Variants in PPP1R9A observed in about 807,000 individuals in gnomAD.
PPP1R9A encodes protein phosphatase 1 regulatory subunit 9A.
In PPP1R9A, 59 loss-of-function variants were observed where a neutral mutation model predicts 141.9. That is an observed-to-expected ratio of 0.42 (90% CI 0.34 to 0.52). The LOEUF is 0.52. Ranked by LOEUF, PPP1R9A falls within the 20% of genes least tolerant of loss-of-function variation. The pLI is 0.10. For synonymous variants in PPP1R9A, 500 were observed against 569.7 expected (o/e 0.88, Z 1.74); for missense variants, 1,444 against 1,611.9 (o/e 0.90, Z 1.78).
At chr7:95,068,928 C>T (rs113936892) in intron 2 of PPP1R9A, among the ~76,000 whole-genome samples, 25 of 152,236 alleles carry the variant, frequency 1.6e-4, no homozygotes, top group African/African-American at 4.8e-4. Context: ...CATGCAGAGC[C>T]GGCTGTGCAG....
intron 5 of PPP1R9A, among the ~76,000 whole-genome samples, chr7:95,190,839 A>G (rs535052361): frequency 6.6e-6 from 1 of 152,308 alleles, no homozygotes; most frequent in East Asian, 1.9e-4. Flanking sequence ...TGTCTGTCCA[A>G]GTGGGAGCTG....
chr7:95,225,044 T>A (rs563567221), intron 7 of PPP1R9A, among the ~76,000 whole-genome samples: 1 of 152,222 alleles, frequency 6.6e-6, no homozygotes, highest in East Asian at 1.9e-4. Context: ...CAGGAGAGGA[T>A]CTACTTTCTA....
chr7:95,174,100 C>T (rs1585077180), intron 5 of PPP1R9A, among the ~76,000 whole-genome samples: 1 of 152,150 alleles, frequency 6.6e-6, no homozygotes, highest in Non-Finnish European at 1.5e-5. Context: ...TAACTAAAAA[C>T]TGGAAACAAC....
rs71961632 is a variant in PPP1R9A at position 95,070,593 on chromosome 7, G to GTATATATATATATATATA, written c.1396-40665_1396-40648dup. Among the ~76,000 whole-genome samples, 585 of 111,868 alleles carry GTATATATATATATATATA rather than the reference G, an allele frequency of 5.2e-3. 23 individuals are homozygous for GTATATATATATATATATA. The highest frequency in any genetic ancestry group is 7.6e-3 in the African/African-American group (211 of 27,908). 73.4% of individuals were successfully genotyped at this position (111,868 alleles called of 152,430 possible). On this transcript the variant is annotated intron_variant, in intron 2 of 19. Coordinates refer to ENST00000433360, the MANE Select transcript of PPP1R9A (RefSeq NM_001166160.2). ...ATTTCAATTATTTTTTAAATCTCTG[G>GTATATATATATATATATA]TATATATATATATATATACACACAC...
chr7:95,111,619 T>G (rs927803567), intron 3 of PPP1R9A, among the ~76,000 whole-genome samples: 1 of 152,098 alleles, frequency 6.6e-6, no homozygotes, highest in African/African-American at 2.4e-5. Context: ...GCGATGGTGG[T>G]TAGGATCAGG....
At chr7:95,236,990 A>C (rs895617536) in intron 8 of PPP1R9A, among the ~76,000 whole-genome samples, 3 of 151,518 alleles carry the variant, frequency 2.0e-5, no homozygotes, top group Admixed American at 6.6e-5. Flanking sequence ...ATGGGTTGCA[A>C]CTTTATTGCA....
chr7:95,068,494 A>AC (rs1813296560), intron 2 of PPP1R9A, among the ~76,000 whole-genome samples: 1 of 151,262 alleles, frequency 6.6e-6, no homozygotes. Flanking sequence ...AAAAAAAAAA[A>AC]AGACAAACAA....
intron 2 of PPP1R9A, among the ~76,000 whole-genome samples, chr7:94,998,351 C>A (rs559538412): frequency 6.6e-6 from 1 of 152,304 alleles, no homozygotes; most frequent in South Asian, 2.1e-4. Context: ...TTACCCCTCT[C>A]ATTTTACAGG....
intron 14 of PPP1R9A, 41 bp from the exon 15 acceptor site, chr7:95,273,858 A>G: frequency 7.0e-7 from 1 of 1,428,214 alleles, no homozygotes. Context: ...GACTTTAAAA[A>G]TAATAATAAT....
chr7:95,182,962 A>C (rs1457374891), intron 5 of PPP1R9A, among the ~76,000 whole-genome samples: 1 of 152,156 alleles, frequency 6.6e-6, no homozygotes, highest in Non-Finnish European at 1.5e-5. Context: ...CTAAGACATC[A>C]AGGCTAACTA....
rs755935192 is a variant in PPP1R9A, at chr7:95,085,365, G to A, written c.1396-25894G>A. ...TTCTCCCATCTCGGCCTCTCAGAGC[G>A]CTAGGATTATAGGCATGAGCCACTG... On this transcript the variant is annotated intron_variant, in intron 2 of 19. Coordinates refer to ENST00000433360, the MANE Select transcript of PPP1R9A (RefSeq NM_001166160.2). Among the ~76,000 whole-genome samples the A allele has an allele frequency of 7.8e-4, 118 of 150,858 alleles. 1 individual carries two copies. The highest frequency in any genetic ancestry group is 1.5e-3 in the Admixed American group (22 of 15,128).
At chr7:95,055,060 A>G (rs1811332429) in intron 2 of PPP1R9A, among the ~76,000 whole-genome samples, 2 of 152,212 alleles carry the variant, frequency 1.3e-5, no homozygotes, top group Non-Finnish European at 2.9e-5. Context: ...TATGTATTGG[A>G]TTAAGCATTC....
intron 2 of PPP1R9A, among the ~76,000 whole-genome samples, chr7:94,975,382 T>G (rs1182707059): frequency 1.6e-5 from 2 of 127,504 alleles, no homozygotes; most frequent in East Asian, 4.5e-4. Flanking sequence ...TTTTTTTTTT[T>G]TAAGGATTAA....
At chr7:95,281,501 G>A (rs1804227658) in intron 16 of PPP1R9A, among the ~76,000 whole-genome samples, 1 of 152,094 alleles carries the variant, frequency 6.6e-6, no homozygotes, top group African/African-American at 2.4e-5. Flanking sequence ...CCTCAGTGCT[G>A]GATGCACAGG....
At chr7:95,147,937 G>T (rs111643931) in intron 4 of PPP1R9A, among the ~76,000 whole-genome samples, 18,575 of 152,036 alleles carry the variant, frequency 0.12, 1,268 homozygotes, top group East Asian at 0.19. Context: ...TGTTCATCAG[G>T]GATATTGGCC....
chr7:95,246,535 T>A (rs1183273243), intron 8 of PPP1R9A, among the ~76,000 whole-genome samples: 2 of 152,144 alleles, frequency 1.3e-5, no homozygotes, highest in African/African-American at 4.8e-5. Context: ...CAAAAATAAT[T>A]CATGTGTTTT....
At chr7:95,042,228 G>A (rs2151915788) in intron 2 of PPP1R9A, among the ~76,000 whole-genome samples, 1 of 152,280 alleles carries the variant, frequency 6.6e-6, no homozygotes, top group Middle Eastern at 3.4e-3. Flanking sequence ...GGAGTTGTGA[G>A]TAGACAAGGA....
At chr7:94,915,058 T>G (rs530457114) in intron 2 of PPP1R9A, among the ~76,000 whole-genome samples, 6 of 152,308 alleles carry the variant, frequency 3.9e-5, no homozygotes, top group South Asian at 2.1e-4. Context: ...AAACAGCATA[T>G]CTGAAAAAGA....
At chr7:94,983,548 C>G (rs1009733373) in intron 2 of PPP1R9A, among the ~76,000 whole-genome samples, 4 of 152,056 alleles carry the variant, frequency 2.6e-5, no homozygotes, top group African/African-American at 7.3e-5. Flanking sequence ...TCGTTCACAT[C>G]CCTTGTAAGT....
Sources: gnomAD v4.1 joint callset for allele counts (sites outside exome capture counted in the v4.1 genomes callset) on GRCh38, gnomAD v4.1.1 for gene constraint, MANE v1.5 for transcripts, NCBI Gene and HGNC (gene_info 2026-07-23, HGNC 2026-07-21) for gene names.